The following CACNB2 variants were observed in gnomAD, a reference collection of about 807,000 sequenced individuals.
CACNB2 encodes the protein voltage-dependent L-type calcium channel subunit beta-2.
Under a neutral mutation model 73.3 loss-of-function variants are expected in CACNB2, and 42 were observed. That is an observed-to-expected ratio of 0.57 (90% CI 0.45 to 0.74). The LOEUF is 0.74. CACNB2 is among the 30% of genes least tolerant of loss of function. CACNB2 has a pLI of 0.00. For synonymous variants in CACNB2, 348 were observed against 310.3 expected (o/e 1.12, Z -1.28); for missense variants, 940 against 853.0 (o/e 1.10, Z -1.27).
intron 2 of CACNB2, among the ~76,000 whole-genome samples, chr10:18,171,079 G>T (rs868349480): frequency 7.2e-5 from 11 of 152,068 alleles, no homozygotes; most frequent in Non-Finnish European, 4.4e-5. Context: ...CGCTGTTCTT[G>T]TTGTTTTTAG....
At chr10:18,244,881 C>G (rs953716662) in intron 2 of CACNB2, among the ~76,000 whole-genome samples, 1 of 152,164 alleles carries the variant, frequency 6.6e-6, no homozygotes, top group African/African-American at 2.4e-5. Context: ...CACAAGGGTT[C>G]TTTTGAGTAG....
chr10:18,294,400 C>A (rs1369301257), intron 2 of CACNB2, among the ~76,000 whole-genome samples: 1 of 152,210 alleles, frequency 6.6e-6, no homozygotes, highest in Admixed American at 6.5e-5. Flanking sequence ...ATTCATTCAA[C>A]AAATGTTCAC....
At chr10:18,346,935 T>TG (rs1564455327) in intron 2 of CACNB2, among the ~76,000 whole-genome samples, 1 of 152,152 alleles carries the variant, frequency 6.6e-6, no homozygotes, top group Non-Finnish European at 1.5e-5. Context: ...GAGAAAAACC[T>TG]GACCCGTGAA....
chr10:18,539,363 A>G lies in CACNB2; in HGVS notation c.1622A>G (p.His541Arg). 1.2e-6 allele frequency: 2 copies of G among 1,614,066 alleles called. No individual in the cohort carries two copies. Among genetic ancestry groups the G allele is most frequent in the Non-Finnish European group, 1.7e-6 (2 of 1,180,002 alleles). Residue 541 changes from histidine to arginine, a missense_variant, in exon 14 of 14, where the codon CAT becomes CGT. By Grantham distance (29) the His-to-Arg change is conservative. Coordinates refer to ENST00000324631, the MANE Select transcript of CACNB2 (RefSeq NM_201596.3). ...TCCTCCTCAGCCCCACACCACAACC[A>G]TCGCAGTGGGACAAGTCGCGGCCTC... ...RSSSSAPHHN[H>R]RSGTSRGLSR...
chr10:18,226,317 G>A (rs941132962), intron 2 of CACNB2, among the ~76,000 whole-genome samples: 39 of 152,238 alleles, frequency 2.6e-4, no homozygotes, highest in Middle Eastern at 3.4e-3. Context: ...GTGAGCCACC[G>A]CCCCCAGACG....
At chr10:18,189,940 T>C (rs1304975751) in intron 2 of CACNB2, among the ~76,000 whole-genome samples, 3 of 152,208 alleles carry the variant, frequency 2.0e-5, no homozygotes, top group Non-Finnish European at 4.4e-5. Flanking sequence ...ACCTTGAAGA[T>C]ACTGTGTTTT....
Position 18,464,418 on chromosome 10 carries a change from T to TTAAAAAAAAAAAAA in CACNB2, c.334-33937_334-33936insTAAAAAAAAAAAAA, listed in dbSNP as rs1360690647. On this transcript the variant is annotated intron_variant, in intron 3 of 13. Transcript: ENST00000324631. ...CAGAGTGAGACCCTGTCTCAAAAAT[T>TTAAAAAAAAAAAAA]AAAAAAAAAAAAAAAAAAAAAAGAA... Among the ~76,000 whole-genome samples the TTAAAAAAAAAAAAA allele has an allele frequency of 4.9e-3, 416 of 85,184 alleles. 20 individuals carry two copies. The highest frequency in any genetic ancestry group is 8.5e-3 in the South Asian group (16 of 1,886). 55.9% of individuals were successfully genotyped at this position (85,184 alleles called of 152,430 possible).
intron 2 of CACNB2, among the ~76,000 whole-genome samples, chr10:18,293,548 C>T (rs2039153871): frequency 1.3e-5 from 2 of 152,356 alleles, no homozygotes; most frequent in South Asian, 4.1e-4. Flanking sequence ...ACATTAAGCT[C>T]AGACTCTACC....
At chr10:18,299,471 T>A (rs1283098997) in intron 2 of CACNB2, among the ~76,000 whole-genome samples, 2 of 152,192 alleles carry the variant, frequency 1.3e-5, no homozygotes, top group Non-Finnish European at 2.9e-5. Context: ...ATCAGTTTTG[T>A]GACTTTGGAT....
intron 2 of CACNB2, among the ~76,000 whole-genome samples, chr10:18,186,069 C>G (rs1227472606): frequency 6.6e-6 from 1 of 152,152 alleles, no homozygotes; most frequent in African/African-American, 2.4e-5. Flanking sequence ...TGGAAGTTAT[C>G]TTTGGAATGA....
intron 2 of CACNB2, among the ~76,000 whole-genome samples, chr10:18,366,953 A>G (rs1287382880): frequency 6.6e-6 from 1 of 152,200 alleles, no homozygotes; most frequent in Non-Finnish European, 1.5e-5. Flanking sequence ...ACTATATTCC[A>G]GCTGTGGAAA....
At chr10:18,495,341 T>C (rs1326321447) in intron 3 of CACNB2, among the ~76,000 whole-genome samples, 1 of 151,584 alleles carries the variant, frequency 6.6e-6, no homozygotes, top group Non-Finnish European at 1.5e-5. Flanking sequence ...TGTCTCAGCC[T>C]CCTGAGTAGC....
At chr10:18,531,261 TTTTTAAC>T (rs1193608526) in intron 10 of CACNB2, among the ~76,000 whole-genome samples, 23 of 152,286 alleles carry the variant, frequency 1.5e-4, no homozygotes, top group African/African-American at 5.1e-4. Flanking sequence ...TGTTTTTTGT[TTTTTAAC>T]TTTTAAGTTC....
intron 2 of CACNB2, among the ~76,000 whole-genome samples, chr10:18,308,846 T>G (rs1344421475): frequency 6.6e-6 from 1 of 152,204 alleles, no homozygotes; most frequent in Non-Finnish European, 1.5e-5. Context: ...AAGTTGTCCC[T>G]TTTGTATCAA....
At chr10:18,534,702 T>C (rs1363495711) in intron 11 of CACNB2, among the ~76,000 whole-genome samples, 2 of 152,210 alleles carry the variant, frequency 1.3e-5, no homozygotes, top group African/African-American at 4.8e-5. Context: ...TTTATTACTT[T>C]TATTAAATCT....
chr10:18,534,849 T>TCAAA (rs894200239), intron 11 of CACNB2, among the ~76,000 whole-genome samples: 1 of 152,220 alleles, frequency 6.6e-6, no homozygotes, highest in Non-Finnish European at 1.5e-5. Context: ...CATTTTTATC[T>TCAAA]CAAACAACAA....
chr10:18,160,657 A>G (rs976813423), intron 2 of CACNB2, among the ~76,000 whole-genome samples: 4 of 152,200 alleles, frequency 2.6e-5, no homozygotes, highest in Non-Finnish European at 5.9e-5. Flanking sequence ...ACTGAAGATT[A>G]CTTACTTAGC....
At chr10:18,402,827 G>A (rs1269406268) in intron 3 of CACNB2, among the ~76,000 whole-genome samples, 1 of 152,216 alleles carries the variant, frequency 6.6e-6, no homozygotes, top group East Asian at 1.9e-4. Context: ...TTTTAACATG[G>A]TTGTTGATTT....
At chr10:18,310,921 AC>A (rs1249214739) in intron 2 of CACNB2, among the ~76,000 whole-genome samples, 2 of 152,022 alleles carry the variant, frequency 1.3e-5, no homozygotes, top group African/African-American at 4.8e-5. Flanking sequence ...ACAAACCTCC[AC>A]TTTAGTCTTC....
Sources: gnomAD v4.1 joint callset for allele counts (sites outside exome capture counted in the v4.1 genomes callset) on GRCh38, gnomAD v4.1.1 for gene constraint, MANE v1.5 for transcripts, NCBI Gene and HGNC (gene_info 2026-07-23, HGNC 2026-07-21) for gene names.